The following TBC1D8 variants were observed in gnomAD, a reference collection of about 807,000 sequenced individuals.
TBC1D8 encodes the protein TBC1 domain family member 8.
A neutral mutation model predicts 118.8 loss-of-function variants in TBC1D8; 65 were observed. The observed-to-expected ratio is 0.55, with a 90% CI of 0.45 to 0.67. The LOEUF (loss-of-function observed/expected upper bound fraction) is 0.67, where lower values mean the gene tolerates loss of function less well. TBC1D8 is among the 30% of genes least tolerant of loss of function. The pLI is 0.00. For missense variants in TBC1D8, 1,376 were observed against 1,471.2 expected (o/e 0.94, Z 1.06); for synonymous variants, 566 against 595.8 (o/e 0.95, Z 0.73).
Position 101,040,244 on chromosome 2 carries a change from A to G in TBC1D8, c.1014T>C (p.Ser338=). 6.2e-7 allele frequency: 1 copy of G among 1,614,062 alleles called. No individual in the cohort carries two copies. The highest frequency in any genetic ancestry group is 8.5e-7 in the Non-Finnish European group (1 of 1,179,908). ...TGCTGGCAAAGCAGATGTAGCTGTC[A>G]GAGGCGAACATCCGCCCCGTGGTGT... is the stretch of plus-strand genomic sequence containing the variant. ...RCHTTGRMFA[S]DSYICFASRE... Residue 338 remains serine, a synonymous_variant, in exon 6 of 20, where the codon TCT becomes TCC. Transcript: ENST00000409318.
chr2:101,125,481 G>A (rs1313528792), intron 1 of TBC1D8, among the ~76,000 whole-genome samples: 4 of 152,174 alleles, frequency 2.6e-5, no homozygotes, highest in Non-Finnish European at 5.9e-5. Flanking sequence ...ACAGTATAGT[G>A]TAATCTATTA....
At chr2:101,078,607 C>T (rs1382217405) in intron 2 of TBC1D8, among the ~76,000 whole-genome samples, 1 of 151,546 alleles carries the variant, frequency 6.6e-6, no homozygotes, top group Admixed American at 6.6e-5. Flanking sequence ...GAAGAAATAA[C>T]TCAAGAAGGG....
intron 1 of TBC1D8, 34 bp from the exon 2 acceptor site, chr2:101,090,398 A>G: frequency 3.1e-6 from 5 of 1,612,042 alleles, no homozygotes; most frequent in South Asian, 1.1e-5. Context: ...TGCACCTGTG[A>G]GCATGGGGCT....
In TBC1D8 at chr2:101,011,034, C is replaced by T. The variant is rs1679170257; in HGVS notation, c.2918-8G>A. On this transcript the variant is annotated splice_region_variant and splice_polypyrimidine_tract_variant and intron_variant, in intron 18 of 19. Coordinates refer to ENST00000409318, the MANE Select transcript of TBC1D8 (RefSeq NM_001330348.2). ...GATAATCAACTGCATCACCTTGAAA[C>T]AAAGGAAAACAATATGTGGTTTAAT... 6.2e-7 allele frequency: 1 copy of T among 1,608,866 alleles called. No individual in the cohort carries two copies. The highest frequency in any genetic ancestry group is 1.1e-5 in the South Asian group (1 of 91,002).
chr2:101,107,007 G>A (rs540500811), intron 1 of TBC1D8, among the ~76,000 whole-genome samples: 11 of 152,282 alleles, frequency 7.2e-5, no homozygotes, highest in Admixed American at 2.0e-4. Context: ...CATTTTTGAC[G>A]ATGATATTTT....
At chr2:101,017,870 G>A (rs755540042) in intron 17 of TBC1D8, 8 of 1,550,824 alleles carry the variant, frequency 5.2e-6, no homozygotes, top group Non-Finnish European at 7.0e-6. Flanking sequence ...TCTTCAAAAC[G>A]ATGATCTCTT....
intron 1 of TBC1D8, among the ~76,000 whole-genome samples, chr2:101,134,137 A>T (rs1196913906): frequency 6.7e-6 from 1 of 148,586 alleles, no homozygotes; most frequent in Non-Finnish European, 1.5e-5. Flanking sequence ...GGGGGACATA[A>T]ATATTCACAC....
At chr2:101,056,995 C>T (rs945966849) in intron 3 of TBC1D8, among the ~76,000 whole-genome samples, 1 of 152,168 alleles carries the variant, frequency 6.6e-6, no homozygotes, top group Non-Finnish European at 1.5e-5. Flanking sequence ...GCCAGGCAGG[C>T]CCCTCACTCC....
chr2:101,081,068 G>GTCCAGCTA (rs1675232844), intron 2 of TBC1D8, among the ~76,000 whole-genome samples: 1 of 152,168 alleles, frequency 6.6e-6, no homozygotes. Flanking sequence ...AAGCCACTGT[G>GTCCAGCTA]TCCAGCTATT....
At chr2:101,054,862 A>C (rs1682324853) in intron 3 of TBC1D8, among the ~76,000 whole-genome samples, 1 of 150,340 alleles carries the variant, frequency 6.7e-6, no homozygotes, top group South Asian at 2.1e-4. Flanking sequence ...TTGTATTTTT[A>C]GTAGAGACGG....
At chr2:101,072,900 C>T (rs897875940) in intron 2 of TBC1D8, among the ~76,000 whole-genome samples, 15 of 152,274 alleles carry the variant, frequency 9.9e-5, no homozygotes, top group African/African-American at 3.1e-4. Flanking sequence ...TCCCACTAGG[C>T]CCACCTCCAA....
intron 2 of TBC1D8, among the ~76,000 whole-genome samples, chr2:101,071,692 G>A (rs908110396): frequency 6.6e-6 from 1 of 151,922 alleles, no homozygotes; most frequent in South Asian, 2.1e-4. Context: ...ATTTACTATT[G>A]TACTCTCATT....
intron 2 of TBC1D8, among the ~76,000 whole-genome samples, chr2:101,089,916 G>A (rs1423496465): frequency 7.4e-6 from 1 of 135,290 alleles, no homozygotes; most frequent in African/African-American, 2.8e-5. Flanking sequence ...ATGTGCTTTC[G>A]ATGGTTTTTA....
intron 9 of TBC1D8, among the ~76,000 whole-genome samples, chr2:101,035,021 G>T (rs945619393): frequency 6.6e-6 from 1 of 152,114 alleles, no homozygotes; most frequent in Non-Finnish European, 1.5e-5. Flanking sequence ...TGGGGGCTGG[G>T]GGGGAGACAG....
At chr2:101,131,755 C>T (rs895594190) in intron 1 of TBC1D8, among the ~76,000 whole-genome samples, 2 of 151,818 alleles carry the variant, frequency 1.3e-5, no homozygotes, top group African/African-American at 2.4e-5. Flanking sequence ...GAGGAGCTTG[C>T]GGCGAGCCAA....
chr2:101,058,969 T>G (rs1012514014), intron 3 of TBC1D8, among the ~76,000 whole-genome samples: 2 of 152,036 alleles, frequency 1.3e-5, no homozygotes, highest in Non-Finnish European at 2.9e-5. Context: ...GCAGTGGCTC[T>G]GTCTCGGCTC....
At chr2:101,066,776 C>T (rs1470662351) in intron 2 of TBC1D8, among the ~76,000 whole-genome samples, 1 of 151,994 alleles carries the variant, frequency 6.6e-6, no homozygotes. Flanking sequence ...GAAACCCCGT[C>T]TCTATTAAAA....
chr2:101,124,700 A>G (rs1678276353), intron 1 of TBC1D8, among the ~76,000 whole-genome samples: 1 of 152,114 alleles, frequency 6.6e-6, no homozygotes, highest in Non-Finnish European at 1.5e-5. Context: ...TTTTTCCCCA[A>G]CTTGCTTAGG....
At position 101,055,084 on chromosome 2, in the gene TBC1D8, A is replaced by G. The variant is rs149330182; in HGVS notation, c.403-748T>C. Among the ~76,000 whole-genome samples, 174 of 152,192 alleles carry G rather than the reference A, an allele frequency of 1.1e-3. 1 individual carries two copies. The highest frequency in any genetic ancestry group is 3.6e-3 in the African/African-American group (149 of 41,536). On this transcript the variant is annotated intron_variant, in intron 3 of 19. Coordinates refer to ENST00000409318, the MANE Select transcript of TBC1D8 (RefSeq NM_001330348.2). ...CAATCCCAAAGAACTACCCAACTTT[A>G]AGATAAAAGTTAGTCCTTTGAGCGT...
Sources: allele counts gnomAD v4.1 joint callset (sites outside exome capture counted in the v4.1 genomes callset), GRCh38; gene constraint gnomAD v4.1.1; transcripts MANE v1.5; gene names NCBI Gene and HGNC (gene_info 2026-07-23, HGNC 2026-07-21).